BPIFC: variants seen among roughly 807,000 people sequenced by gnomAD.
The protein encoded by BPIFC is BPI fold-containing family C protein.
BPIFC carries 60 observed loss-of-function variants against 57.6 expected under a neutral mutation model. The ratio of observed to expected loss-of-function variants is 1.04; its 90% CI spans 0.85 to 1.29. The LOEUF (loss-of-function observed/expected upper bound fraction) is 1.29, where lower values mean the gene tolerates loss of function less well. BPIFC is among the 50% of genes most tolerant of loss of function. The probability of loss-of-function intolerance (pLI) is 0.00; values close to 1 mark genes in which losing one functional copy is unlikely to be tolerated. For missense variants in BPIFC, 581 were observed against 600.5 expected (o/e 0.97, Z 0.34); for synonymous variants, 243 against 224.5 (o/e 1.08, Z -0.74).
intron 7 of BPIFC, among the ~76,000 whole-genome samples, chr22:32,443,223 G>A (rs1246810266): frequency 1.3e-5 from 2 of 151,498 alleles, no homozygotes; most frequent in Non-Finnish European, 2.9e-5. Flanking sequence ...GAGTGCAGTG[G>A]CGCGATCTCG....
chr22:32,445,835 A>C lies in BPIFC; in HGVS notation c.530+6T>G. 1 of 1,613,838 alleles carries C rather than the reference A, an allele frequency of 6.2e-7. No individual in the cohort carries two copies. The highest frequency in any genetic ancestry group is 8.5e-7 in the Non-Finnish European group (1 of 1,179,978). On this transcript the variant is annotated splice_donor_region_variant and intron_variant, in intron 6 of 16. Coordinates refer to ENST00000300399, the MANE Select transcript of BPIFC (RefSeq NM_174932.3). ...AGCCACTGCCCAACCCAGGGCTCTC[A>C]TTCACCTGAGTTCTCCGGAAAATGA... is the stretch of plus-strand genomic sequence containing the variant.
chr22:32,454,093 A>C (rs1255928339), intron 3 of BPIFC, among the ~76,000 whole-genome samples: 1 of 152,210 alleles, frequency 6.6e-6, no homozygotes, highest in Non-Finnish European at 1.5e-5. Flanking sequence ...CCTGGGCAGT[A>C]GAGTAAGACC....
At chr22:32,451,828 T>G (rs1319431596) in intron 4 of BPIFC, among the ~76,000 whole-genome samples, 1 of 152,178 alleles carries the variant, frequency 6.6e-6, no homozygotes, top group East Asian at 1.9e-4. Flanking sequence ...ATAATTAGTT[T>G]TGTAAATATA....
At chr22:32,432,595 G>T (rs749710718) in intron 11 of BPIFC, 52 bp from the exon 12 acceptor site, 10 of 1,573,770 alleles carry the variant, frequency 6.4e-6, no homozygotes, top group Non-Finnish European at 8.7e-6. Context: ...AGTTGGTGAA[G>T]GGAGATCACA....
chr22:32,429,527 T>TTTTG (rs1934177038), intron 13 of BPIFC, among the ~76,000 whole-genome samples: 6 of 142,748 alleles, frequency 4.2e-5, no homozygotes, highest in Admixed American at 3.5e-4. Flanking sequence ...TTTTTTTTTT[T>TTTTG]TTTTTTTTTC....
At chr22:32,457,012 T>G (rs1382686526) in intron 3 of BPIFC, among the ~76,000 whole-genome samples, 1 of 152,202 alleles carries the variant, frequency 6.6e-6, no homozygotes. Context: ...GTTCATTATG[T>G]GTATATATGG....
chr22:32,460,240 C>G (rs1471832437), intron 2 of BPIFC, among the ~76,000 whole-genome samples: 2 of 152,194 alleles, frequency 1.3e-5, no homozygotes, highest in Non-Finnish European at 2.9e-5. Context: ...ATGCCAGCCT[C>G]TTGGCACAAA....
intron 4 of BPIFC, among the ~76,000 whole-genome samples, chr22:32,449,455 A>C (rs1336594716): frequency 1.3e-5 from 2 of 152,236 alleles, no homozygotes; most frequent in African/African-American, 2.4e-5. Context: ...TCTTCTATGC[A>C]TCCTTTCCTA....
chr22:32,429,292 G>A (rs984193088), intron 13 of BPIFC, among the ~76,000 whole-genome samples: 8 of 135,480 alleles, frequency 5.9e-5, no homozygotes, highest in South Asian at 2.4e-4. Context: ...CTGCAAGCTC[G>A]GCCTCCCGAG....
intron 8 of BPIFC, among the ~76,000 whole-genome samples, chr22:32,438,446 C>T (rs1162879369): frequency 6.6e-6 from 1 of 152,242 alleles, no homozygotes; most frequent in East Asian, 1.9e-4. Context: ...GACTGGAGTG[C>T]AGTGGTACAA....
At chr22:32,431,292 T>C in intron 13 of BPIFC, 55 bp downstream of exon 13, 1 of 1,422,602 alleles carries the variant, frequency 7.0e-7, no homozygotes, top group Non-Finnish European at 9.9e-7. Context: ...TTGTCTCTGA[T>C]CAGTTGACTC....
At chr22:32,443,020 C>T (rs1039433847) in intron 7 of BPIFC, among the ~76,000 whole-genome samples, 3 of 152,220 alleles carry the variant, frequency 2.0e-5, no homozygotes, top group African/African-American at 7.2e-5. Context: ...CATGATAGGG[C>T]ATGCGTCCCA....
intron 1 of BPIFC, among the ~76,000 whole-genome samples, chr22:32,462,700 T>A (rs2145974517): frequency 1.3e-5 from 2 of 152,326 alleles, no homozygotes; most frequent in East Asian, 3.9e-4. Context: ...CCCAACCTTG[T>A]TCTTCTGGTT....
chr22:32,427,958 G>A (rs893064880), intron 13 of BPIFC, among the ~76,000 whole-genome samples: 1 of 152,164 alleles, frequency 6.6e-6, no homozygotes. Context: ...CTGCACTCCA[G>A]CCTGGGTGAC....
intron 13 of BPIFC, among the ~76,000 whole-genome samples, chr22:32,420,611 T>C (rs1022658625): frequency 6.6e-6 from 1 of 152,352 alleles, no homozygotes; most frequent in Middle Eastern, 3.4e-3. Flanking sequence ...TCTCTCTGGA[T>C]CTTAATTTTC....
At chr22:32,442,962 A>T (rs1934606254) in intron 7 of BPIFC, among the ~76,000 whole-genome samples, 1 of 152,174 alleles carries the variant, frequency 6.6e-6, no homozygotes, top group African/African-American at 2.4e-5. Context: ...CACTACATCC[A>T]ATCAGCCCTG....
chr22:32,436,447 A>G (rs1276025159), intron 9 of BPIFC, among the ~76,000 whole-genome samples: 1 of 151,898 alleles, frequency 6.6e-6, no homozygotes, highest in African/African-American at 2.4e-5. Context: ...GGAGAAGAAG[A>G]AGCATAAGAA....
chr22:32,435,943 A>C (rs1934381651), intron 9 of BPIFC, 63 bp from the exon 10 acceptor site: 2 of 1,523,122 alleles, frequency 1.3e-6, no homozygotes, highest in Non-Finnish European at 8.9e-7. Context: ...AAGAAGACTA[A>C]GAAGATGGAC....
At chr22:32,417,912 C>T (rs1933731593) in intron 14 of BPIFC, among the ~76,000 whole-genome samples, 1 of 151,934 alleles carries the variant, frequency 6.6e-6, no homozygotes, top group Admixed American at 6.6e-5. Flanking sequence ...CTCTGTCGCC[C>T]AGGCTGGAGT....
Sources: allele counts gnomAD v4.1 joint callset (sites outside exome capture counted in the v4.1 genomes callset), GRCh38; gene constraint gnomAD v4.1.1; transcripts MANE v1.5; gene names NCBI Gene and HGNC (gene_info 2026-07-23, HGNC 2026-07-21).